Variants in GATAD2A observed in about 807,000 individuals in gnomAD.
GATAD2A encodes the protein GATA zinc finger domain containing 2A, also known as transcriptional repressor p66-alpha.
In GATAD2A, 12 loss-of-function variants were observed where a neutral mutation model predicts 68.5. The observed-to-expected ratio is 0.18, with a 90% CI of 0.11 to 0.28. GATAD2A has a LOEUF of 0.28. GATAD2A is among the 10% of genes least tolerant of loss of function. The probability of loss-of-function intolerance (pLI) is 1.00; values close to 1 mark genes in which losing one functional copy is unlikely to be tolerated. For missense variants in GATAD2A, 755 were observed against 868.5 expected, an observed-to-expected ratio of 0.87 and a Z score of 1.64; for synonymous variants, 410 against 375.3, an observed-to-expected ratio of 1.09 and a Z score of -1.07.
At chr19:19,476,311 C>T (rs1343562912) in intron 2 of GATAD2A, among the ~76,000 whole-genome samples, 1 of 152,224 alleles carries the variant, frequency 6.6e-6, no homozygotes, top group Non-Finnish European at 1.5e-5. Context: ...AAATGACTTG[C>T]TTTCTGTTTT....
At chr19:19,411,108 C>T (rs541929888) in intron 1 of GATAD2A, among the ~76,000 whole-genome samples, 5 of 152,326 alleles carry the variant, frequency 3.3e-5, no homozygotes, top group African/African-American at 7.2e-5. Flanking sequence ...GGGCGCATGC[C>T]TCAGCTTTGT....
At chr19:19,429,433 G>A (rs975511950) in intron 1 of GATAD2A, among the ~76,000 whole-genome samples, 1 of 152,138 alleles carries the variant, frequency 6.6e-6, no homozygotes, top group Non-Finnish European at 1.5e-5. Context: ...CATGGAACGT[G>A]TATGCTCCTT....
upstream of GATAD2A, among the ~76,000 whole-genome samples, chr19:19,401,212 C>CTTTT (rs1187049852): frequency 1.1e-4 from 10 of 91,824 alleles, no homozygotes; most frequent in African/African-American, 2.9e-4. Flanking sequence ...AAAAACTTGG[C>CTTTT]TTTTTTTTTT....
At position 19,492,696 on chromosome 19, in the gene GATAD2A, A is replaced by C; in HGVS notation, c.518A>C (p.Glu173Ala). Reference protein sequence around the residue: ...KKLRQSQIQKEATAQKPTGSV... With the variant: ...KKLRQSQIQKAATAQKPTGSV... ...TTGCGGCAGAGTCAAATACAAAAGG[A>C]AGCCACCGCCCAGAAGGTGCGTGCC... The change falls in exon 4 of 12, where the codon GAA (glutamate) becomes GCA (alanine). Residue 173 changes from glutamate to alanine, a missense_variant. By Grantham distance (107) the Glu-to-Ala change is moderately radical (BLOSUM62 -1). Transcript: ENST00000683918. The C allele has an allele frequency of 6.2e-7, 1 of 1,614,130 alleles. No homozygotes were observed.
At chr19:19,388,255 C>T (rs1256124410) in intron 1 of GATAD2A, among the ~76,000 whole-genome samples, 2 of 151,972 alleles carry the variant, frequency 1.3e-5, no homozygotes, top group African/African-American at 4.8e-5. Context: ...TGGGGTTTCT[C>T]CATGTGGGTC....
At chr19:19,492,168 C>A in intron 2 of GATAD2A, 138 bp from the exon 3 acceptor site, 1 of 883,432 alleles carries the variant, frequency 1.1e-6, no homozygotes, top group Non-Finnish European at 1.7e-6. Flanking sequence ...AGCCATGGGG[C>A]AGGGCAGGGG....
At chr19:19,421,072 C>T (rs1350056145) in intron 1 of GATAD2A, among the ~76,000 whole-genome samples, 4 of 152,180 alleles carry the variant, frequency 2.6e-5, no homozygotes, top group African/African-American at 4.8e-5. Flanking sequence ...AGGTCCTCCC[C>T]ATCCTGCCTC....
chr19:19,489,936 C>T (rs995912913), intron 2 of GATAD2A, among the ~76,000 whole-genome samples: 3 of 152,210 alleles, frequency 2.0e-5, no homozygotes, highest in East Asian at 1.9e-4. Context: ...TGTGTGTACA[C>T]GTCCAGGGAA....
intron 1 of GATAD2A, among the ~76,000 whole-genome samples, chr19:19,421,958 A>T (rs1461348344): frequency 6.6e-6 from 1 of 152,076 alleles, no homozygotes; most frequent in African/African-American, 2.4e-5. Context: ...CGTAGCTGGG[A>T]TTACAGGCTC....
chr19:19,496,017 T>A (rs1233242328), intron 6 of GATAD2A, 35 bp from the exon 7 acceptor site: 3 of 1,606,350 alleles, frequency 1.9e-6, no homozygotes, highest in Non-Finnish European at 2.6e-6. Context: ...TTGATCTCAG[T>A]CAGATTTCTT....
At chr19:19,477,508 T>C (rs2058753387) in intron 2 of GATAD2A, among the ~76,000 whole-genome samples, 1 of 150,956 alleles carries the variant, frequency 6.6e-6, no homozygotes, top group Non-Finnish European at 1.5e-5. Flanking sequence ...GTGGGAAGAG[T>C]GGTCTGAGGG....
At chr19:19,464,013 C>T (rs1423853466) in intron 1 of GATAD2A, among the ~76,000 whole-genome samples, 1 of 152,196 alleles carries the variant, frequency 6.6e-6, no homozygotes, top group Non-Finnish European at 1.5e-5. Flanking sequence ...GGAGTGCGTC[C>T]CATGGATGGC....
intron 1 of GATAD2A, among the ~76,000 whole-genome samples, chr19:19,429,474 T>C (rs1214846954): frequency 6.6e-6 from 1 of 151,906 alleles, no homozygotes; most frequent in East Asian, 2.0e-4. Context: ...GCGGCTGAAG[T>C]GGGCCGGGCC....
chr19:19,487,472 C>T (rs2059517362), intron 2 of GATAD2A, among the ~76,000 whole-genome samples: 1 of 138,998 alleles, frequency 7.2e-6, no homozygotes. Context: ...GCCAAAGGCA[C>T]TTAGATGGGC....
At chr19:19,445,170 TTGG>T (rs1313174512) in intron 1 of GATAD2A, among the ~76,000 whole-genome samples, 2 of 152,074 alleles carry the variant, frequency 1.3e-5, no homozygotes, top group East Asian at 3.9e-4. Context: ...GGACTCGTGG[TTGG>T]TGGTGACATA....
intron 1 of GATAD2A, among the ~76,000 whole-genome samples, chr19:19,438,621 A>T (rs1017174351): frequency 2.6e-5 from 4 of 152,212 alleles, no homozygotes; most frequent in African/African-American, 9.6e-5. Context: ...TCAATGAATA[A>T]ATGAATGGAG....
chr19:19,431,840 A>G (rs1374305735), intron 1 of GATAD2A, among the ~76,000 whole-genome samples: 1 of 152,078 alleles, frequency 6.6e-6, no homozygotes. Flanking sequence ...TCGGCAACAC[A>G]GTAGCTGTGT....
At chr19:19,497,934 G>T (rs1180194670) in intron 7 of GATAD2A, among the ~76,000 whole-genome samples, 1 of 152,176 alleles carries the variant, frequency 6.6e-6, no homozygotes, top group Non-Finnish European at 1.5e-5. Context: ...CCTAGGAGCT[G>T]CTTCCCCCAT....
chr19:19,431,352 G>A (rs531185763), intron 1 of GATAD2A, among the ~76,000 whole-genome samples: 6 of 150,626 alleles, frequency 4.0e-5, no homozygotes, highest in East Asian at 2.0e-4. Flanking sequence ...TCCTCAGATC[G>A]GCCCCTTCTC....
Sources: gnomAD v4.1 joint callset for allele counts (sites outside exome capture counted in the v4.1 genomes callset) on GRCh38, gnomAD v4.1.1 for gene constraint, MANE v1.5 for transcripts, NCBI Gene and HGNC (gene_info 2026-07-23, HGNC 2026-07-21) for gene names.